The following KMT2C variants were observed in gnomAD, a reference collection of about 807,000 sequenced individuals.
KMT2C encodes the protein histone-lysine N-methyltransferase 2C.
In KMT2C, 88 loss-of-function variants were observed where a neutral mutation model predicts 507.9. That is an observed-to-expected ratio of 0.17 (90% confidence interval 0.15 to 0.21). KMT2C has a LOEUF of 0.21. Among genes scored for constraint, KMT2C ranks in the 10% least tolerant of loss-of-function variants. The pLI is 1.00. For missense variants in KMT2C, 4,954 were observed against 5,957.8 expected, an observed-to-expected ratio of 0.83 and a Z score of 5.55; for synonymous variants, 2,049 against 2,080.8, an observed-to-expected ratio of 0.98 and a Z score of 0.42.
At chr7:152,369,503 G>C (rs2097275861) in intron 1 of KMT2C, among the ~76,000 whole-genome samples, 1 of 152,122 alleles carries the variant, frequency 6.6e-6, no homozygotes, top group Non-Finnish European at 1.5e-5. Context: ...AATATCATTT[G>C]TCCTCACCAA....
At chr7:152,290,079 A>C (rs2096383621) in intron 6 of KMT2C, among the ~76,000 whole-genome samples, 1 of 150,694 alleles carries the variant, frequency 6.6e-6, no homozygotes, top group Non-Finnish European at 1.5e-5. Flanking sequence ...AACAAACAAA[A>C]ACAACCGTAT....
At chr7:152,202,670 A>C (rs534881301) in intron 26 of KMT2C, among the ~76,000 whole-genome samples, 6 of 152,280 alleles carry the variant, frequency 3.9e-5, no homozygotes, top group African/African-American at 1.4e-4. Flanking sequence ...TCCTATCCCA[A>C]AGTGTCCTTG....
chr7:152,200,217 C>A (rs190326220), intron 26 of KMT2C, among the ~76,000 whole-genome samples: 1 of 152,220 alleles, frequency 6.6e-6, no homozygotes, highest in Non-Finnish European at 1.5e-5. Context: ...CACATTCTTG[C>A]CAAACATGCA....
At chr7:152,247,793 A>T (rs865924609) in intron 14 of KMT2C, 109 bp downstream of exon 14, 1 of 878,186 alleles carries the variant, frequency 1.1e-6, no homozygotes, top group Non-Finnish European at 1.8e-6. Flanking sequence ...CTGAAGTTCT[A>T]TCTGAAGACA....
intron 31 of KMT2C, among the ~76,000 whole-genome samples, chr7:152,193,361 G>A (rs570341105): frequency 2.4e-4 from 37 of 152,064 alleles, no homozygotes; most frequent in Non-Finnish European, 5.0e-4. Context: ...TAAGTAGGCA[G>A]AAGAAAAATG....
At chr7:152,426,932 A>G (rs1205763344) in intron 1 of KMT2C, among the ~76,000 whole-genome samples, 3 of 152,178 alleles carry the variant, frequency 2.0e-5, no homozygotes, top group Non-Finnish European at 2.9e-5. Context: ...ATGATTTACC[A>G]TTTCTGAAGT....
In KMT2C at chr7:152,135,971, C is replaced by A. The variant is rs756148754; in HGVS notation, c.*861G>T. 1.8e-5 allele frequency: 4 copies of A among 226,884 alleles called. No homozygotes were observed. Among genetic ancestry groups the A allele is most frequent in the Non-Finnish European group, 3.5e-5 (4 of 114,044 alleles). The allele number at this position is 226,884 out of a possible 1,614,324, so 14.1% of individuals were successfully genotyped here. A position where few individuals can be genotyped will look rare whatever the true frequency, so the allele number is the denominator to read the frequency against. On this transcript the variant is annotated 3_prime_UTR_variant, in exon 59 of 59. Coordinates refer to ENST00000262189, the MANE Select transcript of KMT2C (RefSeq NM_170606.3). ...AACACAAAATTATATTGTAACATCC[C>A]TATGAACATTTTATAAGCCCCCGAG...
chr7:152,384,894 A>G (rs1458205602), intron 1 of KMT2C, among the ~76,000 whole-genome samples: 1 of 152,306 alleles, frequency 6.6e-6, no homozygotes, highest in Non-Finnish European at 1.5e-5. Context: ...AGTATTCCAG[A>G]TAATAAAATG....
Position 152,162,264 on chromosome 7 carries a change from G to C in KMT2C, c.11313C>G (p.Asp3771Glu), listed in dbSNP as rs769623470. The C allele has an allele frequency of 2.5e-6, 4 of 1,614,128 alleles. No individual in the cohort carries two copies. Among genetic ancestry groups the C allele is most frequent in the Non-Finnish European group, 3.4e-6 (4 of 1,180,000 alleles). ...HSAGAPAAKG[D>E]SGNELLKHLL... Reference sequence around the variant, plus strand: ...AGTGTTTCAGAAGTTCATTCCCTGAGTCTCCTTTGGCAGCAGGGGCCCCAG... The same window carrying C: ...AGTGTTTCAGAAGTTCATTCCCTGACTCTCCTTTGGCAGCAGGGGCCCCAG... Residue 3771 changes from aspartate to glutamate, a missense_variant, in exon 43 of 59, where the codon GAC (aspartate) becomes GAG (glutamate). By Grantham distance (45) the Asp-to-Glu change is conservative. Coordinates refer to ENST00000262189, the MANE Select transcript of KMT2C (RefSeq NM_170606.3).
At chr7:152,194,654 A>G (rs2093909945) in intron 28 of KMT2C, 86 bp from the exon 29 acceptor site, 2 of 928,198 alleles carry the variant, frequency 2.2e-6, no homozygotes, top group African/African-American at 1.7e-5. Flanking sequence ...TACTTAGTAT[A>G]TAACAATATG....
chr7:152,336,721 T>C (rs916600217), intron 2 of KMT2C, among the ~76,000 whole-genome samples: 4 of 152,186 alleles, frequency 2.6e-5, no homozygotes, highest in African/African-American at 9.7e-5. Flanking sequence ...ACTGTGGAAA[T>C]TGGAGCAGAC....
chr7:152,181,381 G>C lies in KMT2C; in HGVS notation c.6479C>G (p.Ser2160Cys). The change falls in exon 36 of 59, where the codon TCT becomes TGT. Residue 2160 changes from serine to cysteine, a missense_variant. Transcript: ENST00000262189. ...AGGCCGGGGAGTTCCAGGAGGTTGAGAGTAAGGGTCTGTATTGGACCTAGC... is the reference window on the plus strand; with the variant it reads ...AGGCCGGGGAGTTCCAGGAGGTTGACAGTAAGGGTCTGTATTGGACCTAGC... Reference protein sequence around the residue: ...GTARSNTDPYSQPPGTPRPTT... With the variant: ...GTARSNTDPYCQPPGTPRPTT... The C allele has an allele frequency of 6.2e-7, 1 of 1,614,108 alleles. No homozygotes were observed. Among genetic ancestry groups the C allele is most frequent in the African/African-American group, 1.3e-5 (1 of 75,016 alleles).
intron 28 of KMT2C, among the ~76,000 whole-genome samples, chr7:152,194,798 T>C (rs973300584): frequency 6.6e-6 from 1 of 151,914 alleles, no homozygotes; most frequent in African/African-American, 2.4e-5. Context: ...GTAAAAACAT[T>C]TCCTGAGGAA....
At chr7:152,285,771 G>A (rs112911898) in intron 6 of KMT2C, among the ~76,000 whole-genome samples, 1 of 152,236 alleles carries the variant, frequency 6.6e-6, no homozygotes, top group East Asian at 1.9e-4. Context: ...GACCACCTAA[G>A]GCCAGGATTT....
chr7:152,213,351 C>T (rs972202248), intron 23 of KMT2C, among the ~76,000 whole-genome samples: 2 of 152,116 alleles, frequency 1.3e-5, no homozygotes, highest in Admixed American at 6.5e-5. Context: ...CAGTATGGTA[C>T]TGGCATAAAA....
At chr7:152,252,357 A>G (rs2095575534) in intron 10 of KMT2C, among the ~76,000 whole-genome samples, 189 bp downstream of exon 10, 1 of 152,156 alleles carries the variant, frequency 6.6e-6, no homozygotes, top group South Asian at 2.1e-4. Context: ...GTCTGGTCTT[A>G]TCTTTTGCCC....
chr7:152,215,393 A>G (rs1037972216), intron 23 of KMT2C, among the ~76,000 whole-genome samples: 5 of 151,586 alleles, frequency 3.3e-5, no homozygotes, highest in Admixed American at 6.6e-5. Context: ...AGGTGCCTGT[A>G]GTCCCAGCTA....
At chr7:152,391,324 C>T (rs2097495528) in intron 1 of KMT2C, among the ~76,000 whole-genome samples, 1 of 151,344 alleles carries the variant, frequency 6.6e-6, no homozygotes, top group South Asian at 2.1e-4. Flanking sequence ...CTCACTGCAA[C>T]CTCCGCCTCC....
Position 152,422,371 on chromosome 7 carries a change from C to T in KMT2C, c.161+13255G>A, listed in dbSNP as rs571183610. On this transcript the variant is annotated intron_variant, in intron 1 of 58. Coordinates refer to ENST00000262189, the MANE Select transcript of KMT2C (RefSeq NM_170606.3). ...TAGGGAGGCTGAGGCACGAGAATCG[C>T]TTGAACCCAGGAGGCGGAGGTTGCA... Among the ~76,000 whole-genome samples, 24 of 151,848 alleles carry T rather than the reference C, an allele frequency of 1.6e-4. No homozygotes were observed. In the South Asian group the frequency reaches 2.7e-3, roughly 17 times the overall value.
Sources: allele counts gnomAD v4.1 joint callset (sites outside exome capture counted in the v4.1 genomes callset), GRCh38; gene constraint gnomAD v4.1.1; transcripts MANE v1.5; gene names NCBI Gene and HGNC (gene_info 2026-07-23, HGNC 2026-07-21).